CRISP2: variants seen among roughly 807,000 people sequenced by gnomAD.
CRISP2 encodes cysteine rich secretory protein 2.
In CRISP2, 29 loss-of-function variants were observed where a neutral mutation model predicts 31.7. The ratio of observed to expected loss-of-function variants is 0.92; its 90% confidence interval spans 0.68 to 1.25. CRISP2 has a LOEUF of 1.25. Ranked by LOEUF, CRISP2 falls within the 50% of genes most tolerant of loss-of-function variation. The probability of loss-of-function intolerance (pLI) is 0.00; values close to 1 mark genes in which losing one functional copy is unlikely to be tolerated. For missense variants in CRISP2, 318 were observed against 286.5 expected (o/e 1.11, Z -0.79); for synonymous variants, 111 against 101.4 (o/e 1.09, Z -0.57).
chr6:49,705,100 A>C (rs1425119763), intron 4 of CRISP2, among the ~76,000 whole-genome samples: 1 of 152,086 alleles, frequency 6.6e-6, no homozygotes, highest in African/African-American at 2.4e-5. Context: ...GTCTTTGGCT[A>C]CCAGGTTGGG....
rs751924538 is a variant in CRISP2 at position 49,700,720 on chromosome 6, T to G, written c.131A>C (p.His44Pro). The G allele has an allele frequency of 2.3e-5, 37 of 1,612,858 alleles. No individual in the cohort carries two copies. The South Asian group carries it at 4.0e-4, about 17-fold the overall frequency. ...AGAGACTGCTTTCCTTAGTTCATTG[T>G]GTTTATTTACAATCTCCCTTTGCAC... Reference protein sequence around the residue: ...LQVQREIVNKHNELRKAVSPP... With the variant: ...LQVQREIVNKPNELRKAVSPP... The change falls in exon 5 of 10, where the codon CAC (histidine) becomes CCC (proline). Residue 44 changes from histidine (H) to proline (P), a missense_variant. Transcript: ENST00000339139.
intron 7 of CRISP2, 148 bp downstream of exon 7, chr6:49,698,214 T>C: frequency 1.1e-6 from 1 of 925,022 alleles, no homozygotes; most frequent in Admixed American, 3.2e-5. Flanking sequence ...TGGACAAAAA[T>C]GACAGCTCTA....
At chr6:49,682,271 A>C in the CRISP2 span, among the ~76,000 whole-genome samples, 7 of 152,156 alleles carry the variant, frequency 4.6e-5, no homozygotes, top group African/African-American at 9.7e-5. Context: ...GGTGCCGTCT[A>C]TACAAAGATG....
At chr6:49,696,041 C>T in intron 8 of CRISP2, 117 bp from the exon 9 acceptor site, 1 of 579,096 alleles carries the variant, frequency 1.7e-6, no homozygotes, top group Non-Finnish European at 2.9e-6. Context: ...GTTAACAAAA[C>T]TGAAAAATTA....
At chr6:49,703,236 T>C (rs766322445) in intron 4 of CRISP2, among the ~76,000 whole-genome samples, 1 of 152,184 alleles carries the variant, frequency 6.6e-6, no homozygotes, top group Non-Finnish European at 1.5e-5. Context: ...TAGTATAGTT[T>C]AAAGTGGGGT....
chr6:49,681,326 G>A, the CRISP2 span, among the ~76,000 whole-genome samples: 2 of 152,054 alleles, frequency 1.3e-5, no homozygotes, highest in African/African-American at 4.8e-5. Context: ...TTAATTCTGG[G>A]TTCTCTATTC....
At chr6:49,701,711 TA>T (rs1490644475) in intron 4 of CRISP2, among the ~76,000 whole-genome samples, 16 of 109,416 alleles carry the variant, frequency 1.5e-4, no homozygotes, top group East Asian at 2.6e-4. Context: ...TATGTATACA[TA>T]TATAATGTAT....
At chr6:49,703,256 C>T (rs759061554) in intron 4 of CRISP2, among the ~76,000 whole-genome samples, 2 of 151,668 alleles carry the variant, frequency 1.3e-5, no homozygotes, top group East Asian at 1.9e-4. Flanking sequence ...TTATGCGATG[C>T]TTCCAGACTT....
At chr6:49,694,330 A>T (rs556268648) in intron 9 of CRISP2, among the ~76,000 whole-genome samples, 1 of 152,216 alleles carries the variant, frequency 6.6e-6, no homozygotes, top group African/African-American at 2.4e-5. Flanking sequence ...ACTACAATTC[A>T]TTTGGGGTCT....
intron 9 of CRISP2, 88 bp from the exon 10 acceptor site, chr6:49,692,988 G>C: frequency 1.4e-6 from 2 of 1,422,220 alleles, no homozygotes; most frequent in Non-Finnish European, 2.0e-6. Flanking sequence ...GAGGGGGTAG[G>C]AGGGAACAAA....
At chr6:49,697,691 T>C in intron 8 of CRISP2, 169 bp downstream of exon 8, 1 of 1,511,720 alleles carries the variant, frequency 6.6e-7, no homozygotes, top group South Asian at 1.2e-5. Flanking sequence ...AGTGAGAAGT[T>C]GTTCTCCTCT....
chr6:49,692,972 T>A, intron 9 of CRISP2, 72 bp from the exon 10 acceptor site: 2 of 1,547,148 alleles, frequency 1.3e-6, no homozygotes, highest in Non-Finnish European at 1.8e-6. Context: ...ATTCAAAGTG[T>A]GTGGGGAGGG....
intron 2 of CRISP2, among the ~76,000 whole-genome samples, chr6:49,711,654 G>T (rs1040283064): frequency 1.3e-5 from 2 of 152,102 alleles, no homozygotes; most frequent in Non-Finnish European, 2.9e-5. Context: ...TACTGTGAAG[G>T]TTACCAGGAT....
intron 4 of CRISP2, among the ~76,000 whole-genome samples, chr6:49,703,780 G>C (rs545522767): frequency 1.3e-5 from 2 of 152,086 alleles, no homozygotes; most frequent in Admixed American, 1.3e-4. Flanking sequence ...CTCACAGCTC[G>C]TAATATTCTT....
At chr6:49,697,774 T>A in intron 8 of CRISP2, 86 bp downstream of exon 8, 1 of 1,602,736 alleles carries the variant, frequency 6.2e-7, no homozygotes, top group East Asian at 2.3e-5. Context: ...TGAGATATGT[T>A]TTCATTCTGG....
the CRISP2 span, among the ~76,000 whole-genome samples, chr6:49,683,544 A>T: frequency 6.7e-6 from 1 of 149,576 alleles, no homozygotes; most frequent in East Asian, 2.0e-4. Context: ...GGCGCCTGTA[A>T]TCCCAACTAC....
At chr6:49,689,209 A>G (rs1381215464), downstream of CRISP2, among the ~76,000 whole-genome samples, 1 of 152,044 alleles carries the variant, frequency 6.6e-6, no homozygotes, top group Non-Finnish European at 1.5e-5. Flanking sequence ...ACCATTCCTA[A>G]AGCATAATTT....
intron 9 of CRISP2, 117 bp from the exon 10 acceptor site, chr6:49,693,017 A>G: frequency 1.0e-6 from 1 of 978,430 alleles, no homozygotes; most frequent in Non-Finnish European, 1.5e-6. Context: ...CATCGCTTAC[A>G]CTACAATGGG....
chr6:49,707,850 A>T (rs1371240870), intron 4 of CRISP2, among the ~76,000 whole-genome samples: 4 of 152,158 alleles, frequency 2.6e-5, no homozygotes, highest in Non-Finnish European at 4.4e-5. Flanking sequence ...TGCACATTTT[A>T]TCACTGAAGA....
Sources: allele counts gnomAD v4.1 joint callset (sites outside exome capture counted in the v4.1 genomes callset), GRCh38; gene constraint gnomAD v4.1.1; transcripts MANE v1.5; gene names NCBI Gene and HGNC (gene_info 2026-07-23, HGNC 2026-07-21).